The following RYR3 variants were observed in gnomAD, a reference collection of about 807,000 sequenced individuals.
The protein encoded by RYR3 is ryanodine receptor 3.
In RYR3, 207 loss-of-function variants were observed where a neutral mutation model predicts 584.3. The observed-to-expected ratio is 0.35, with a 90% CI of 0.32 to 0.40. The LOEUF is 0.40. Ranked by LOEUF, RYR3 falls within the 10% of genes least tolerant of loss-of-function variation. RYR3 has a pLI of 1.00. For missense variants in RYR3, 5,616 were observed against 6,089.2 expected (o/e 0.92, Z 2.59); for synonymous variants, 2,416 against 2,248.5 (o/e 1.07, Z -2.11).
intron 94 of RYR3, 119 bp downstream of exon 94, chr15:33,848,540 T>C (rs2078872512): frequency 8.5e-7 from 1 of 1,169,924 alleles, no homozygotes; most frequent in Non-Finnish European, 1.2e-6. Context: ...TTCTAGGACT[T>C]TTCTCCCTTG....
chr15:33,757,859 C>T, intron 60 of RYR3: 1 of 467,452 alleles, frequency 2.1e-6, no homozygotes. Context: ...ATTAAGATGG[C>T]CGAATAGGAA....
chr15:33,519,945 T>C (rs764099024), intron 3 of RYR3, among the ~76,000 whole-genome samples: 1 of 152,078 alleles, frequency 6.6e-6, no homozygotes, highest in Admixed American at 6.6e-5. Context: ...GCTCATTATG[T>C]GGATATAGAG....
chr15:33,627,969 G>A (rs1457952548), intron 20 of RYR3, among the ~76,000 whole-genome samples: 1 of 152,172 alleles, frequency 6.6e-6, no homozygotes, highest in Non-Finnish European at 1.5e-5. Context: ...GCTTAAAGAG[G>A]TAGTGGGGCC....
At chr15:33,754,461 A>G (rs1294271632) in intron 57 of RYR3, among the ~76,000 whole-genome samples, 3 of 152,176 alleles carry the variant, frequency 2.0e-5, no homozygotes, top group African/African-American at 7.2e-5. Context: ...GGACCTTTGC[A>G]CTGTCTCTTC....
In RYR3 at chr15:33,742,655, A is replaced by G. The variant is rs138453532; in HGVS notation, c.7899+211A>G. Among the ~76,000 whole-genome samples, 942 of 152,330 alleles carry G rather than the reference A, an allele frequency of 6.2e-3. 7 individuals carry two copies. The highest frequency in any genetic ancestry group is 0.021 in the African/African-American group (873 of 41,566). On this transcript the variant is annotated intron_variant, in intron 52 of 103. Transcript: ENST00000634891. ...TGCTGGTGTTGCTTTTGTATTTCTC[A>G]AGAAAATGATCAATTCTGGAAGTGT...
chr15:33,710,897 C>T (rs2067062132), intron 43 of RYR3, among the ~76,000 whole-genome samples: 1 of 152,226 alleles, frequency 6.6e-6, no homozygotes, highest in African/African-American at 2.4e-5. Context: ...GCCTGGCCCA[C>T]AAGTTAATTC....
At chr15:33,805,678 T>C (rs76711304) in intron 69 of RYR3, among the ~76,000 whole-genome samples, 15,483 of 150,040 alleles carry the variant, frequency 0.1, 1,197 homozygotes, top group East Asian at 0.4. Context: ...AGGGTTTCAC[T>C]GTGTTAGCCA....
chr15:33,354,608 T>A (rs1303976053), intron 1 of RYR3, among the ~76,000 whole-genome samples: 2 of 152,250 alleles, frequency 1.3e-5, no homozygotes, highest in African/African-American at 4.8e-5. Context: ...AAGCCTGCCC[T>A]GGAATTGATT....
chr15:33,699,616 T>A (rs2066146516), intron 40 of RYR3, 88 bp from the exon 41 acceptor site: 1 of 1,259,218 alleles, frequency 7.9e-7, no homozygotes, highest in African/African-American at 1.5e-5. Flanking sequence ...GTGTTCACAC[T>A]TTACCCACTT....
At chr15:33,337,042 G>A (rs1330761224) in intron 1 of RYR3, among the ~76,000 whole-genome samples, 1 of 114,198 alleles carries the variant, frequency 8.8e-6, no homozygotes, top group African/African-American at 3.5e-5. Context: ...GGGTTACAGA[G>A]CAGGACTCCG....
At chr15:33,683,019 G>T (rs533346165) in intron 38 of RYR3, among the ~76,000 whole-genome samples, 22 of 150,984 alleles carry the variant, frequency 1.5e-4, no homozygotes, top group Non-Finnish European at 2.7e-4. Flanking sequence ...TTTTGAGATG[G>T]AGTCTCGCTC....
intron 1 of RYR3, among the ~76,000 whole-genome samples, chr15:33,406,211 A>G (rs895565300): frequency 5.9e-5 from 9 of 152,228 alleles, no homozygotes; most frequent in African/African-American, 2.2e-4. Flanking sequence ...GGAAATAGGA[A>G]TCCCATTGGA....
intron 96 of RYR3, among the ~76,000 whole-genome samples, chr15:33,854,004 C>A (rs1273289607): frequency 6.6e-6 from 1 of 151,970 alleles, no homozygotes; most frequent in Non-Finnish European, 1.5e-5. Flanking sequence ...CCAGCCTGGC[C>A]AACATAGTGA....
chr15:33,711,234 C>CTTTTT (rs1567000991), intron 43 of RYR3, among the ~76,000 whole-genome samples: 1 of 84,674 alleles, frequency 1.2e-5, no homozygotes, highest in African/African-American at 4.4e-5. Context: ...TTCTTTCTTT[C>CTTTTT]ATTTTTTTTT....
At chr15:33,528,702 T>C (rs1417473408) in intron 3 of RYR3, among the ~76,000 whole-genome samples, 1 of 152,206 alleles carries the variant, frequency 6.6e-6, no homozygotes, top group African/African-American at 2.4e-5. Flanking sequence ...ACCTCAGTAG[T>C]GTGTGCCCAA....
chr15:33,336,417 C>CTCTGGAAAGAAAGAAA lies in RYR3; in HGVS notation c.51+25321_51+25322insTCTGGAAAGAAAGAAA, dbSNP rs10636407. Among the ~76,000 whole-genome samples, 2 of 31,648 alleles carry CTCTGGAAAGAAAGAAA rather than the reference C, an allele frequency of 6.3e-5. 1 individual carries two copies. Among genetic ancestry groups the CTCTGGAAAGAAAGAAA allele is most frequent in the African/African-American group, 3.6e-4 (2 of 5,614 alleles). The allele number at this position is 31,648 out of a possible 152,430, so 20.8% of individuals were successfully genotyped here. A position where few individuals can be genotyped will look rare whatever the true frequency, so the allele number is the denominator to read the frequency against. ...CTCCAGCCTGGGCGACAGAGCGAGA[C>CTCTGGAAAGAAAGAAA]GAAAGAAAGAAAGAAAGAAAGAAAG... On this transcript the variant is annotated intron_variant, in intron 1 of 103. Coordinates refer to ENST00000634891, the MANE Select transcript of RYR3 (RefSeq NM_001036.6).
rs769204969 is a variant in RYR3 at position 33,848,826 on chromosome 15, CTTTTTTTT to C, written c.13628+425_13628+432del. 2.8e-4 allele frequency among the ~76,000 whole-genome samples: 21 copies of C among 75,248 alleles called. No individual in the cohort carries two copies. In the East Asian group the frequency reaches 3.4e-3, roughly 12 times the overall value. 49.4% of individuals were successfully genotyped at this position (75,248 alleles called of 152,430 possible). ...CTATAACTGCCATCTCTGAAGTCCT[CTTTTTTTT>C]TTTTTTTTTTTTTTTTTTTGAGACA... On this transcript the variant is annotated intron_variant, in intron 94 of 103. Coordinates refer to ENST00000634891, the MANE Select transcript of RYR3 (RefSeq NM_001036.6).
At chr15:33,758,033 G>T (rs938672159) in intron 60 of RYR3, among the ~76,000 whole-genome samples, 1 of 152,178 alleles carries the variant, frequency 6.6e-6, no homozygotes, top group African/African-American at 2.4e-5. Context: ...CCCAGGAAGT[G>T]CAGGGGTTGG....
At chr15:33,791,557 G>T (rs1335328162) in intron 67 of RYR3, among the ~76,000 whole-genome samples, 1 of 152,160 alleles carries the variant, frequency 6.6e-6, no homozygotes, top group Non-Finnish European at 1.5e-5. Flanking sequence ...CCCAGGGAGA[G>T]TGGAAGAATA....
Sources: allele counts gnomAD v4.1 joint callset (sites outside exome capture counted in the v4.1 genomes callset), GRCh38; gene constraint gnomAD v4.1.1; transcripts MANE v1.5; gene names NCBI Gene and HGNC (gene_info 2026-07-23, HGNC 2026-07-21).